MGST1: variants seen among roughly 807,000 people sequenced by gnomAD.
MGST1 encodes the protein glutathione S-transferase 12.
Under a neutral mutation model 8.9 loss-of-function variants are expected in MGST1, and 5 were observed. That is an observed-to-expected ratio of 0.56 (90% CI 0.29 to 1.19). The LOEUF (loss-of-function observed/expected upper bound fraction) is 1.19, where lower values mean the gene tolerates loss of function less well. Among genes scored for constraint, MGST1 ranks in the 50% most tolerant of loss-of-function variants. The pLI is 0.08. For missense variants in MGST1, 182 were observed against 187.4 expected, an observed-to-expected ratio of 0.97 and a Z score of 0.17; for synonymous variants, 54 against 67.8, an observed-to-expected ratio of 0.80 and a Z score of 1.00.
chr12:16,461,508 T>C (rs79081811), intron 4 of MGST1, among the ~76,000 whole-genome samples: 32 of 152,248 alleles, frequency 2.1e-4, no homozygotes, highest in Non-Finnish European at 4.1e-4. Flanking sequence ...AGCATGTCAA[T>C]TTATTATTAA....
chr12:16,507,838 A>G (rs1457960996), intron 4 of MGST1, among the ~76,000 whole-genome samples: 1 of 152,080 alleles, frequency 6.6e-6, no homozygotes, highest in Non-Finnish European at 1.5e-5. Flanking sequence ...CTCCCCCAAC[A>G]TTAGGGATTC....
downstream of MGST1, among the ~76,000 whole-genome samples, chr12:16,378,510 C>T (rs1403766004): frequency 3.3e-5 from 5 of 152,012 alleles, no homozygotes; most frequent in Admixed American, 6.5e-5. Flanking sequence ...GTCTATATTT[C>T]TGTTTTGGTA....
intron 4 of MGST1, among the ~76,000 whole-genome samples, chr12:16,538,945 G>A (rs1565471626): frequency 6.6e-6 from 1 of 152,128 alleles, no homozygotes; most frequent in Admixed American, 6.5e-5. Context: ...AAGAGAAAAC[G>A]AGGATGATAC....
rs145200473 is a variant in MGST1, at chr12:16,361,215, G to T, written c.222-2580G>T. 6.6e-6 allele frequency among the ~76,000 whole-genome samples: 1 copy of T among 152,298 alleles called. No individual in the cohort carries two copies. Among genetic ancestry groups the T allele is most frequent in the East Asian group, 1.9e-4 (1 of 5,170 alleles). ...GAAGAGCTTTGGCTGAGATGAGGGC[G>T]TCAGGAAAAGCCTGCTGTGCAGCTC... is the stretch of plus-strand genomic sequence containing the variant. On this transcript the variant is annotated intron_variant, in intron 3 of 3. Transcript: ENST00000396210. This position sits in a 1 kb window ranked among gnomAD's most constrained non-coding sequence, Gnocchi z 4.2.
At chr12:16,564,384 T>G (rs1316175195) in intron 4 of MGST1, among the ~76,000 whole-genome samples, 1 of 152,246 alleles carries the variant, frequency 6.6e-6, no homozygotes, top group Non-Finnish European at 1.5e-5. Context: ...GTTCAACAGC[T>G]TCGGCAACAT....
In MGST1 at chr12:16,363,133, A is replaced by G. The variant is rs572826463; in HGVS notation, c.222-662A>G. 1.1e-4 allele frequency: 16 copies of G among 152,246 alleles called. No individual in the cohort carries two copies. The highest frequency in any genetic ancestry group is 3.9e-4 in the African/African-American group (16 of 41,556). 9.4% of individuals were successfully genotyped at this position (152,246 alleles called of 1,614,324 possible). A position where few individuals can be genotyped will look rare whatever the true frequency, so the allele number is the denominator to read the frequency against. ...AATTCTCTCTTTCTCTCTTTCACCT[A>G]TCCTACTTTTTGTGTGTCCTTTGTA... On this transcript the variant is annotated intron_variant, in intron 3 of 3. Transcript: ENST00000396210. This position sits in a 1 kb window ranked among gnomAD's most constrained non-coding sequence, Gnocchi z 4.6.
At chr12:16,507,756 A>C (rs1941548659) in intron 4 of MGST1, among the ~76,000 whole-genome samples, 1 of 152,042 alleles carries the variant, frequency 6.6e-6, no homozygotes, top group Non-Finnish European at 1.5e-5. Flanking sequence ...ATCTCGTGAG[A>C]ACTCACTCAA....
chr12:16,446,381 G>A (rs1941079686), intron 4 of MGST1, among the ~76,000 whole-genome samples: 1 of 151,866 alleles, frequency 6.6e-6, no homozygotes, highest in Non-Finnish European at 1.5e-5. Flanking sequence ...ACCTCACTCA[G>A]GTCCAGGAAA....
At chr12:16,593,051 G>T (rs1943543248), downstream of MGST1, among the ~76,000 whole-genome samples, 1 of 151,694 alleles carries the variant, frequency 6.6e-6, no homozygotes, top group African/African-American at 2.4e-5. This position sits in a 1 kb window ranked among gnomAD's most constrained non-coding sequence, Gnocchi z 4.2. Flanking sequence ...GTGGTATCTG[G>T]ATTACTGTTA....
At chr12:16,398,562 A>G (rs924268466) in intron 1 of MGST1, among the ~76,000 whole-genome samples, 1 of 152,226 alleles carries the variant, frequency 6.6e-6, no homozygotes, top group Non-Finnish European at 1.5e-5. Context: ...ATATCAGAAA[A>G]AAAAGAAGAC....
intron 4 of MGST1, among the ~76,000 whole-genome samples, chr12:16,562,341 T>A (rs972562279): frequency 5.9e-5 from 9 of 152,228 alleles, no homozygotes; most frequent in Admixed American, 5.2e-4. Flanking sequence ...AGTTCTTTAT[T>A]CAATGAATAT....
At chr12:16,445,085 AT>A (rs1405132121) in intron 4 of MGST1, among the ~76,000 whole-genome samples, 1 of 151,444 alleles carries the variant, frequency 6.6e-6, no homozygotes. Context: ...AACCGCAGGG[AT>A]TTTTTGTACA....
Position 16,514,738 on chromosome 12 carries a change from A to G in MGST1, n.483-74790A>G, listed in dbSNP as rs1941600961. ...GCCTCTGCTACTGGGAGCTTCACAG[A>G]GGATGAGAGAGGGTGGATGGTAGTA... is the stretch of plus-strand genomic sequence containing the variant. On this transcript the variant is annotated intron_variant and non_coding_transcript_variant, in intron 4 of 4. Coordinates refer to the MGST1 transcript ENST00000538857. Among the ~76,000 whole-genome samples, 3 of 152,336 alleles carry G rather than the reference A, an allele frequency of 2.0e-5. No homozygotes were observed. The South Asian group carries it at 6.2e-4, about 32-fold the overall frequency.
chr12:16,386,223 T>C (rs1315751699), intron 1 of MGST1, among the ~76,000 whole-genome samples: 1 of 152,196 alleles, frequency 6.6e-6, no homozygotes, highest in Non-Finnish European at 1.5e-5. Context: ...TGATTTCCCA[T>C]TGCCACTAGA....
At chr12:16,432,033 T>A (rs1004804615) in intron 1 of MGST1, among the ~76,000 whole-genome samples, 9 of 152,204 alleles carry the variant, frequency 5.9e-5, no homozygotes, top group Admixed American at 5.2e-4. Flanking sequence ...GACTGGTCCT[T>A]TTCAATACTA....
At chr12:16,469,162 G>A (rs1269496766) in intron 4 of MGST1, among the ~76,000 whole-genome samples, 2 of 148,232 alleles carry the variant, frequency 1.3e-5, no homozygotes, top group Non-Finnish European at 3.0e-5. Flanking sequence ...GACATAACAT[G>A]CATAATGCTC....
downstream of MGST1, among the ~76,000 whole-genome samples, chr12:16,368,509 T>A (rs972085729): frequency 1.3e-5 from 2 of 152,164 alleles, no homozygotes; most frequent in Non-Finnish European, 1.5e-5. Flanking sequence ...TAGGTGTTCC[T>A]GCCATCAGCC....
chr12:16,436,686 A>G (rs1940990012), intron 1 of MGST1, among the ~76,000 whole-genome samples: 1 of 152,012 alleles, frequency 6.6e-6, no homozygotes, highest in Non-Finnish European at 1.5e-5. Context: ...CGGCTCATTT[A>G]ATTTTCACAA....
chr12:16,399,710 C>G, intron 1 of MGST1: 1 of 1,243,748 alleles, frequency 8.0e-7, no homozygotes, highest in South Asian at 1.2e-5. Flanking sequence ...CAACAATGGT[C>G]TTTATTGCTT....
Sources: gnomAD v4.1 joint callset for allele counts (sites outside exome capture counted in the v4.1 genomes callset) on GRCh38, gnomAD v4.1.1 for gene constraint, Gnocchi (gnomAD v3.1) non-coding constraint, MANE v1.5 for transcripts, NCBI Gene and HGNC (gene_info 2026-07-23, HGNC 2026-07-21) for gene names.